The following SGMS1 variants were observed in gnomAD, a reference collection of about 807,000 sequenced individuals.
The protein encoded by SGMS1 is sphingomyelin synthase 1, also known as phosphatidylcholine:ceramide cholinephosphotransferase 1.
In SGMS1, 13 loss-of-function variants were observed where a neutral mutation model predicts 46.2. The observed-to-expected ratio is 0.28, with a 90% CI of 0.18 to 0.45. SGMS1 has a LOEUF of 0.45. Among genes scored for constraint, SGMS1 ranks in the 20% least tolerant of loss-of-function variants. The pLI, the probability that SGMS1 is intolerant of heterozygous loss-of-function variation, is 1.00. For missense variants in SGMS1, 324 were observed against 519.9 expected (o/e 0.62, Z 3.66); for synonymous variants, 203 against 187.8 (o/e 1.08, Z -0.66).
intron 1 of SGMS1, among the ~76,000 whole-genome samples, chr10:50,613,489 A>G (rs997177209): frequency 6.6e-6 from 1 of 152,216 alleles, no homozygotes; most frequent in African/African-American, 2.4e-5. Flanking sequence ...TAAAATGACC[A>G]GACTGGAGAG....
At chr10:50,369,253 T>G (rs1471982972) in intron 6 of SGMS1, among the ~76,000 whole-genome samples, 1 of 152,214 alleles carries the variant, frequency 6.6e-6, no homozygotes, top group African/African-American at 2.4e-5. Context: ...ATCTCAACAC[T>G]TTGGGTGGCC....
chr10:50,365,231 C>T (rs1243980038), intron 6 of SGMS1, among the ~76,000 whole-genome samples: 7 of 83,676 alleles, frequency 8.4e-5, no homozygotes, highest in South Asian at 4.6e-4. Context: ...CCAGCCTGGG[C>T]GACGGAGTGA....
chr10:50,383,947 A>G (rs1448342621), intron 6 of SGMS1, among the ~76,000 whole-genome samples: 2 of 152,202 alleles, frequency 1.3e-5, no homozygotes, highest in African/African-American at 4.8e-5. Flanking sequence ...TAATTAGATC[A>G]TGATAGCAGA....
At chr10:50,624,643 G>C, upstream of SGMS1, 5 of 985,450 alleles carry the variant, frequency 5.1e-6, no homozygotes, top group Non-Finnish European at 6.0e-6. Context: ...CGAAAACCCG[G>C]AGAGCGGCTA....
At chr10:50,371,206 G>A (rs1271606857) in intron 6 of SGMS1, among the ~76,000 whole-genome samples, 1 of 152,156 alleles carries the variant, frequency 6.6e-6, no homozygotes. Flanking sequence ...TTTCATCTGT[G>A]TTATAATCAT....
chr10:50,624,807 C>T (rs1332526844), upstream of SGMS1: 1 of 986,562 alleles, frequency 1.0e-6, no homozygotes, highest in African/African-American at 1.7e-5. Context: ...CCCGCCGTCC[C>T]TGGCCGGCCC....
chr10:50,435,412 A>G (rs1849462470), intron 5 of SGMS1, among the ~76,000 whole-genome samples: 1 of 152,224 alleles, frequency 6.6e-6, no homozygotes, highest in African/African-American at 2.4e-5. Context: ...TATGTCCATT[A>G]AATTCACAGA....
At chr10:50,398,029 C>T (rs1017476639) in intron 6 of SGMS1, among the ~76,000 whole-genome samples, 2 of 152,108 alleles carry the variant, frequency 1.3e-5, no homozygotes, top group African/African-American at 2.4e-5. Context: ...GAAAGTTTTC[C>T]GTCCCTGACT....
In SGMS1 at chr10:50,307,192, C is replaced by T; in HGVS notation, c.1192G>A (p.Val398Ile). The T allele has an allele frequency of 6.2e-7, 1 of 1,614,046 alleles. No homozygotes were observed. The highest frequency in any genetic ancestry group is 8.5e-7 in the Non-Finnish European group (1 of 1,179,976). The change falls in exon 11 of 11, where the codon GTC becomes ATC. Residue 398 changes from valine to isoleucine, a missense_variant. Val to Ile is a conservative substitution (Grantham distance 29, BLOSUM62 3). Around this residue, in one of 2 missense-constraint regions of SGMS1, gnomAD observed 174 missense variants for 350.1 expected, o/e 0.50. Coordinates refer to ENST00000361781, the MANE Select transcript of SGMS1 (RefSeq NM_147156.4). The surrounding 1 kb of genome is among the most constrained non-coding windows in gnomAD (Gnocchi z 4.2). ...SYHWPFPWPV[V>I]HLSRQVKYSR... ...TATTTAACTTGCCTACTGAGGTGGACTACTGGCCAGGGGAAAGGCCAATGG... is the reference window on the plus strand; with the variant it reads ...TATTTAACTTGCCTACTGAGGTGGATTACTGGCCAGGGGAAAGGCCAATGG...
At chr10:50,396,047 A>T (rs1371438332) in intron 6 of SGMS1, among the ~76,000 whole-genome samples, 7 of 152,184 alleles carry the variant, frequency 4.6e-5, no homozygotes, top group Non-Finnish European at 1.0e-4. Context: ...CTGAAAGAGG[A>T]ACTAAACCAA....
intron 6 of SGMS1, among the ~76,000 whole-genome samples, chr10:50,364,970 CA>C (rs1165680028): frequency 7.2e-5 from 11 of 152,124 alleles, no homozygotes; most frequent in Non-Finnish European, 1.5e-4. Flanking sequence ...CAAAGATAAT[CA>C]AAAGCAACTA....
rs192158848 is a variant in SGMS1, at chr10:50,344,186, G to T, written c.-72C>A. 3.8e-5 allele frequency: 58 copies of T among 1,511,330 alleles called. No homozygotes were observed. The highest frequency in any genetic ancestry group is 4.4e-4 in the Middle Eastern group (2 of 4,534). 93.6% of individuals were successfully genotyped at this position (1,511,330 alleles called of 1,614,324 possible). On this transcript the variant is annotated 5_prime_UTR_variant, in exon 7 of 11. Transcript: ENST00000361781. ...AGCAGTCACTGTTCCGACAGGGCAG[G>T]ACACTGTCCTGCCTCGGCTCGTTCA... is the stretch of plus-strand genomic sequence containing the variant.
At chr10:50,398,233 A>G (rs1848876308) in intron 6 of SGMS1, among the ~76,000 whole-genome samples, 2 of 152,340 alleles carry the variant, frequency 1.3e-5, no homozygotes, top group South Asian at 4.1e-4. Context: ...CACACCATAT[A>G]AAAACAATCA....
chr10:50,519,468 C>T (rs1224482983), intron 3 of SGMS1, among the ~76,000 whole-genome samples: 2 of 152,212 alleles, frequency 1.3e-5, no homozygotes, highest in African/African-American at 4.8e-5. Flanking sequence ...TAACATTATC[C>T]TAGAACCTTT....
chr10:50,548,438 C>A (rs1249268158), intron 2 of SGMS1, among the ~76,000 whole-genome samples: 1 of 152,088 alleles, frequency 6.6e-6, no homozygotes, highest in Non-Finnish European at 1.5e-5. Context: ...TTTGACAAAC[C>A]TGACAAAAAC....
intron 1 of SGMS1, among the ~76,000 whole-genome samples, chr10:50,610,565 C>T (rs948992022): frequency 6.6e-6 from 1 of 152,164 alleles, no homozygotes; most frequent in Non-Finnish European, 1.5e-5. Flanking sequence ...GAGGGAAAGC[C>T]GGCCATGCTG....
intron 6 of SGMS1, among the ~76,000 whole-genome samples, chr10:50,372,546 T>C (rs1327339709): frequency 6.6e-6 from 1 of 151,902 alleles, no homozygotes; most frequent in Non-Finnish European, 1.5e-5. Flanking sequence ...TATAAAAAAT[T>C]AGCCGGGTAT....
chr10:50,461,021 T>TTAATA (rs1837257898), intron 4 of SGMS1, among the ~76,000 whole-genome samples: 1 of 152,150 alleles, frequency 6.6e-6, no homozygotes, highest in African/African-American at 2.4e-5. Flanking sequence ...TTGTTGTATT[T>TTAATA]TTTACAGTAG....
chr10:50,435,628 A>T (rs1388759657), intron 5 of SGMS1, among the ~76,000 whole-genome samples: 1 of 152,106 alleles, frequency 6.6e-6, no homozygotes, highest in Admixed American at 6.5e-5. Context: ...TTTTTTGATG[A>T]TGAATTCCTG....
Sources: gnomAD v4.1 joint callset for allele counts (sites outside exome capture counted in the v4.1 genomes callset) on GRCh38, gnomAD v4.1.1 for gene constraint, gnomAD v4.1.1 regional missense constraint, Gnocchi (gnomAD v3.1) non-coding constraint, MANE v1.5 for transcripts, NCBI Gene and HGNC (gene_info 2026-07-23, HGNC 2026-07-21) for gene names.